Variants in SLC2A13 observed in about 807,000 individuals in gnomAD.
The protein encoded by SLC2A13 is solute carrier family 2 member 13.
Under a neutral mutation model 64.4 loss-of-function variants are expected in SLC2A13, and 32 were observed. That is an observed-to-expected ratio of 0.50 (90% CI 0.37 to 0.67). The LOEUF is 0.67. Among genes scored for constraint, SLC2A13 ranks in the 30% least tolerant of loss-of-function variants. The probability of loss-of-function intolerance (pLI) is 0.00; values close to 1 mark genes in which losing one functional copy is unlikely to be tolerated. For missense variants in SLC2A13, 743 were observed against 829.2 expected (o/e 0.90, Z 1.28); for synonymous variants, 338 against 327.1 (o/e 1.03, Z -0.36).
chr12:39,991,694 A>G (rs1008698900), intron 3 of SLC2A13, among the ~76,000 whole-genome samples: 17 of 152,168 alleles, frequency 1.1e-4, no homozygotes, highest in Non-Finnish European at 5.9e-5. Flanking sequence ...CAATAAAAAT[A>G]TGTCCCACTC....
At chr12:39,950,576 ACAAGACCCAGGT>A (rs1472828385) in intron 4 of SLC2A13, 1 of 152,204 alleles carries the variant, frequency 6.6e-6, no homozygotes, top group Non-Finnish European at 1.5e-5. Flanking sequence ...ATCCATGAGG[ACAAGACCCAGGT>A]CTATTTTAGT....
intron 1 of SLC2A13, among the ~76,000 whole-genome samples, chr12:40,080,689 G>T (rs1167784833): frequency 6.6e-6 from 1 of 152,170 alleles, no homozygotes; most frequent in African/African-American, 2.4e-5. Flanking sequence ...ACAACACCTG[G>T]CCTTGTTTAA....
intron 7 of SLC2A13, among the ~76,000 whole-genome samples, chr12:39,810,150 T>G (rs1270620611): frequency 6.6e-6 from 1 of 152,168 alleles, no homozygotes; most frequent in Non-Finnish European, 1.5e-5. Context: ...AACCGACATC[T>G]TAACCATATT....
At chr12:39,898,700 C>G (rs979010039) in intron 4 of SLC2A13, among the ~76,000 whole-genome samples, 1 of 152,118 alleles carries the variant, frequency 6.6e-6, no homozygotes, top group Non-Finnish European at 1.5e-5. Context: ...ATTGCAATCT[C>G]CCATTTGACT....
chr12:39,951,111 A>G (rs1238916730), intron 4 of SLC2A13, 146 bp downstream of exon 4: 3 of 582,110 alleles, frequency 5.2e-6, no homozygotes, highest in Non-Finnish European at 8.4e-6. Context: ...AAAAATTGTA[A>G]AGTCAGTATC....
chr12:39,991,125 C>T (rs1947131788), intron 3 of SLC2A13, among the ~76,000 whole-genome samples: 1 of 152,184 alleles, frequency 6.6e-6, no homozygotes, highest in African/African-American at 2.4e-5. Flanking sequence ...CGGAGTTCAA[C>T]CATGAAAGAC....
chr12:40,041,817 T>C (rs1948094589), intron 2 of SLC2A13, among the ~76,000 whole-genome samples: 1 of 152,224 alleles, frequency 6.6e-6, no homozygotes, highest in African/African-American at 2.4e-5. Flanking sequence ...GATCTTTGAC[T>C]CCTGTCATGG....
chr12:40,022,890 C>T (rs1373073123), intron 3 of SLC2A13, among the ~76,000 whole-genome samples: 1 of 152,018 alleles, frequency 6.6e-6, no homozygotes, highest in Non-Finnish European at 1.5e-5. Context: ...TCACCCCTCC[C>T]CCCCCAAAAA....
At chr12:39,841,639 CTT>C (rs1378810674) in intron 6 of SLC2A13, among the ~76,000 whole-genome samples, 1 of 151,876 alleles carries the variant, frequency 6.6e-6, no homozygotes, top group African/African-American at 2.4e-5. Context: ...CTTTTTCAGT[CTT>C]GATACTTTTC....
At chr12:40,008,932 G>T (rs2136191913) in intron 3 of SLC2A13, among the ~76,000 whole-genome samples, 1 of 152,162 alleles carries the variant, frequency 6.6e-6, no homozygotes, top group East Asian at 1.9e-4. Flanking sequence ...ATTAATAAAA[G>T]AACACATAAA....
intron 3 of SLC2A13, among the ~76,000 whole-genome samples, chr12:39,994,605 G>A (rs1031715906): frequency 2.0e-5 from 3 of 152,226 alleles, no homozygotes; most frequent in African/African-American, 7.2e-5. Context: ...GCATATCTGT[G>A]CATATAGTTT....
rs1242088079 is a variant in SLC2A13 at position 39,764,470 on chromosome 12, A to G, written c.1710T>C (p.Leu570=). 1.3e-6 allele frequency: 2 copies of G among 1,585,130 alleles called. No individual in the cohort carries two copies. Among genetic ancestry groups the G allele is most frequent in the Non-Finnish European group, 1.7e-6 (2 of 1,172,054 alleles). ...SLTFLHTAEY[L]TYYGAFFLYA... ...AAAATATTATCTTACCATAGTATGT[A>G]AGATACTCTGCTGTGTGTAAAAATG... Residue 570 remains leucine, a synonymous_variant, in exon 9 of 10, where the codon CTT becomes CTC. Coordinates refer to ENST00000280871, the MANE Select transcript of SLC2A13 (RefSeq NM_052885.4).
intron 7 of SLC2A13, among the ~76,000 whole-genome samples, chr12:39,810,719 T>A (rs539687091): frequency 5.3e-5 from 8 of 152,296 alleles, no homozygotes; most frequent in African/African-American, 1.4e-4. Flanking sequence ...TTTCTGTATG[T>A]ATTAAGATGA....
chr12:39,994,543 C>T (rs549534190), intron 3 of SLC2A13, among the ~76,000 whole-genome samples: 52 of 152,108 alleles, frequency 3.4e-4, no homozygotes, highest in African/African-American at 1.1e-3. Context: ...GCAAAGAACT[C>T]GAAACAAGGG....
chr12:39,893,894 A>C (rs898331039), intron 4 of SLC2A13, among the ~76,000 whole-genome samples: 3 of 152,262 alleles, frequency 2.0e-5, no homozygotes, highest in African/African-American at 7.2e-5. Flanking sequence ...AAATTGAAAA[A>C]GTAAATCCAT....
At position 39,951,200 on chromosome 12, in the gene SLC2A13, C is replaced by T. The variant is rs903781184; in HGVS notation, c.1034+57G>A. The T allele has an allele frequency of 4.1e-6, 6 of 1,450,156 alleles. No individual in the cohort carries two copies. In the African/African-American group the frequency reaches 4.2e-5, roughly 10 times the overall value. The allele number at this position is 1,450,156 out of a possible 1,614,324, so 89.8% of individuals were successfully genotyped here. Reference sequence around the variant, plus strand: ...TTACATGAAATACTTTTCACTATTTCACATAAAATAATCCTTTCACAATCT... The same window carrying T: ...TTACATGAAATACTTTTCACTATTTTACATAAAATAATCCTTTCACAATCT... On this transcript the variant is annotated intron_variant, in intron 4 of 9. Coordinates refer to ENST00000280871, the MANE Select transcript of SLC2A13 (RefSeq NM_052885.4).
intron 1 of SLC2A13, among the ~76,000 whole-genome samples, chr12:40,067,923 A>T (rs764665497): frequency 6.6e-6 from 1 of 152,060 alleles, no homozygotes; most frequent in East Asian, 1.9e-4. Flanking sequence ...TTCTTGTTGA[A>T]GAAAGGGTCT....
At chr12:39,793,581 C>T (rs1941477745) in intron 7 of SLC2A13, among the ~76,000 whole-genome samples, 1 of 152,132 alleles carries the variant, frequency 6.6e-6, no homozygotes, top group African/African-American at 2.4e-5. Context: ...TCCCTGAGAA[C>T]ATTTCTAACG....
chr12:39,835,279 G>A (rs1942975217), intron 6 of SLC2A13, among the ~76,000 whole-genome samples: 1 of 151,922 alleles, frequency 6.6e-6, no homozygotes, highest in Non-Finnish European at 1.5e-5. Context: ...TTCTAAGATT[G>A]TACATGAAAG....
Sources: allele counts gnomAD v4.1 joint callset (sites outside exome capture counted in the v4.1 genomes callset), GRCh38; gene constraint gnomAD v4.1.1; transcripts MANE v1.5; gene names NCBI Gene and HGNC (gene_info 2026-07-23, HGNC 2026-07-21).